The following FUT9 variants were observed in gnomAD, a reference collection of about 807,000 sequenced individuals.
FUT9 encodes the protein 4-galactosyl-N-acetylglucosaminide 3-alpha-L-fucosyltransferase 9.
A neutral mutation model predicts 29.7 loss-of-function variants in FUT9; 15 were observed. That is an observed-to-expected ratio of 0.51 (90% CI 0.34 to 0.78). The LOEUF (loss-of-function observed/expected upper bound fraction) is 0.78, where lower values mean the gene tolerates loss of function less well. FUT9 is among the 30% of genes least tolerant of loss of function. FUT9 has a pLI of 0.01. For missense variants in FUT9, 319 were observed against 425.4 expected, an observed-to-expected ratio of 0.75 and a Z score of 2.20; for synonymous variants, 169 against 153.7, an observed-to-expected ratio of 1.10 and a Z score of -0.74.
intron 1 of FUT9, among the ~76,000 whole-genome samples, chr6:96,098,923 T>C (rs964946897): frequency 1.3e-5 from 2 of 152,156 alleles, no homozygotes; most frequent in East Asian, 3.9e-4. Flanking sequence ...TCCTTTGTGC[T>C]CTCATAAAAT....
At chr6:96,089,773 T>C (rs938895483) in intron 1 of FUT9, among the ~76,000 whole-genome samples, 7 of 152,142 alleles carry the variant, frequency 4.6e-5, no homozygotes, top group Non-Finnish European at 8.8e-5. Flanking sequence ...AAAGGAATCA[T>C]AACAGCGCTT....
At chr6:96,202,183 C>A (rs938078349) in intron 2 of FUT9, among the ~76,000 whole-genome samples, 1 of 151,632 alleles carries the variant, frequency 6.6e-6, no homozygotes, top group African/African-American at 2.4e-5. Context: ...GGCATGAATG[C>A]CGAAGAGAAA....
intron 2 of FUT9, among the ~76,000 whole-genome samples, chr6:96,126,082 T>C (rs2127966993): frequency 6.6e-6 from 1 of 152,300 alleles, no homozygotes; most frequent in South Asian, 2.1e-4. Flanking sequence ...TGCTTAAGCC[T>C]CTCTCATGTC....
intron 2 of FUT9, among the ~76,000 whole-genome samples, chr6:96,123,768 G>A (rs529870944): frequency 3.2e-4 from 49 of 152,030 alleles, no homozygotes; most frequent in African/African-American, 1.1e-3. Context: ...TCCTAGGAGC[G>A]TGGGGACATT....
intron 1 of FUT9, among the ~76,000 whole-genome samples, chr6:96,050,358 G>C (rs530451744): frequency 1.5e-4 from 23 of 152,244 alleles, no homozygotes; most frequent in African/African-American, 5.5e-4. Flanking sequence ...CAGAAATAGG[G>C]TTCTGTTTAC....
chr6:96,018,019 A>G (rs1413387553), intron 1 of FUT9, among the ~76,000 whole-genome samples: 5 of 152,196 alleles, frequency 3.3e-5, no homozygotes, highest in Admixed American at 3.3e-4. Context: ...ACATAGGCAG[A>G]AATGCACTGA....
At chr6:96,088,067 T>C (rs2127952911) in intron 1 of FUT9, among the ~76,000 whole-genome samples, 1 of 152,306 alleles carries the variant, frequency 6.6e-6, no homozygotes, top group Admixed American at 6.5e-5. Flanking sequence ...AAATATGCTG[T>C]CATTCTTATC....
At chr6:96,128,325 T>G (rs1281765244) in intron 2 of FUT9, among the ~76,000 whole-genome samples, 1 of 151,986 alleles carries the variant, frequency 6.6e-6, no homozygotes. Flanking sequence ...AAGAGGCAAA[T>G]AAAGTATGAA....
At chr6:96,182,694 G>A (rs1773330621) in intron 2 of FUT9, among the ~76,000 whole-genome samples, 1 of 152,036 alleles carries the variant, frequency 6.6e-6, no homozygotes, top group African/African-American at 2.4e-5. Flanking sequence ...GTGGAATAGG[G>A]TGTCCTTTCC....
chr6:96,101,009 A>G (rs1378034368), intron 1 of FUT9, among the ~76,000 whole-genome samples: 6 of 151,390 alleles, frequency 4.0e-5, no homozygotes, highest in Non-Finnish European at 5.9e-5. Flanking sequence ...CATTGCATAC[A>G]TGTGTAATCA....
chr6:96,197,236 A>T (rs1773643034), intron 2 of FUT9, among the ~76,000 whole-genome samples: 1 of 152,180 alleles, frequency 6.6e-6, no homozygotes, highest in Non-Finnish European at 1.5e-5. Flanking sequence ...GGGACTTATT[A>T]TTACCAGAGA....
At chr6:96,085,617 G>A (rs1299930360) in intron 1 of FUT9, among the ~76,000 whole-genome samples, 1 of 152,118 alleles carries the variant, frequency 6.6e-6, no homozygotes, top group Non-Finnish European at 1.5e-5. Flanking sequence ...AGCCAGGTTT[G>A]TCAAACCCCA....
intron 2 of FUT9, among the ~76,000 whole-genome samples, chr6:96,114,338 G>A (rs1373753568): frequency 6.6e-6 from 1 of 151,798 alleles, no homozygotes; most frequent in East Asian, 1.9e-4. Context: ...ATAATTTTCT[G>A]TCATGGTAGG....
At chr6:96,047,711 T>C (rs1408329550) in intron 1 of FUT9, among the ~76,000 whole-genome samples, 1 of 152,024 alleles carries the variant, frequency 6.6e-6, no homozygotes, top group African/African-American at 2.4e-5. Flanking sequence ...AGGGTTACGA[T>C]AGAAAAACAA....
chr6:96,083,480 A>C (rs1486901655), intron 1 of FUT9, among the ~76,000 whole-genome samples: 1 of 152,070 alleles, frequency 6.6e-6, no homozygotes, highest in South Asian at 2.1e-4. Context: ...CATAGCATAG[A>C]ATGATATTGT....
chr6:96,180,637 A>G (rs1582289699), intron 2 of FUT9, among the ~76,000 whole-genome samples: 2 of 152,036 alleles, frequency 1.3e-5, no homozygotes, highest in African/African-American at 4.8e-5. Flanking sequence ...ACACTCTCCT[A>G]CCTCTAGTAA....
intron 2 of FUT9, among the ~76,000 whole-genome samples, chr6:96,116,519 T>G (rs977160916): frequency 2.6e-5 from 4 of 152,182 alleles, no homozygotes; most frequent in Non-Finnish European, 4.4e-5. Context: ...TGCCAAAATG[T>G]GGAAATAACT....
chr6:96,104,986 G>C (rs1032773699), intron 1 of FUT9, among the ~76,000 whole-genome samples: 13 of 152,232 alleles, frequency 8.5e-5, no homozygotes, highest in Admixed American at 5.2e-4. Flanking sequence ...TCGAGGCTTC[G>C]TATCAGGCAA....
chr6:96,196,711 A>G (rs1773633036), intron 2 of FUT9, among the ~76,000 whole-genome samples: 1 of 152,090 alleles, frequency 6.6e-6, no homozygotes, highest in East Asian at 1.9e-4. Context: ...ACTCCATCTC[A>G]AAAAAATAAA....
Sources: gnomAD v4.1 joint callset for allele counts (sites outside exome capture counted in the v4.1 genomes callset) on GRCh38, gnomAD v4.1.1 for gene constraint, MANE v1.5 for transcripts, NCBI Gene and HGNC (gene_info 2026-07-23, HGNC 2026-07-21) for gene names.